The following GTPBP2 variants were observed in gnomAD, a reference collection of about 807,000 sequenced individuals.
GTPBP2 encodes the protein GTP-binding protein 2.
Under a neutral mutation model 63.0 loss-of-function variants are expected in GTPBP2, and 32 were observed. That is an observed-to-expected ratio of 0.51 (90% confidence interval 0.38 to 0.68). The LOEUF is 0.68. GTPBP2 is among the 30% of genes least tolerant of loss of function. The probability of loss-of-function intolerance (pLI) is 0.00; values close to 1 mark genes in which losing one functional copy is unlikely to be tolerated. For missense variants in GTPBP2, 492 were observed against 796.9 expected, an observed-to-expected ratio of 0.62 and a Z score of 4.61; for synonymous variants, 310 against 322.6, an observed-to-expected ratio of 0.96 and a Z score of 0.42.
chr6:43,624,483 C>G lies in GTPBP2; in HGVS notation c.1100+27G>C. On this transcript the variant is annotated intron_variant, in intron 7 of 11. Transcript: ENST00000307126. This position sits in a 1 kb window ranked among gnomAD's most constrained non-coding sequence, Gnocchi z 5.1. Reference sequence around the variant, plus strand: ...CTCTGTGGCAGCCTTCCTAGTGGATCAGGGCTTTAGAGTAAGGTGGGCTTA... The same window carrying G: ...CTCTGTGGCAGCCTTCCTAGTGGATGAGGGCTTTAGAGTAAGGTGGGCTTA... The G allele has an allele frequency of 6.5e-7, 1 of 1,546,024 alleles. No individual in the cohort carries two copies. Among genetic ancestry groups the G allele is most frequent in the Non-Finnish European group, 8.9e-7 (1 of 1,123,046 alleles).
At position 43,625,286 on chromosome 6, in the gene GTPBP2, C is replaced by A. The variant is rs1025434420; in HGVS notation, c.705+77G>T. 1 of 1,371,762 alleles carries A rather than the reference C, an allele frequency of 7.3e-7. No homozygotes were observed. Among genetic ancestry groups the A allele is most frequent in the Non-Finnish European group, 1.0e-6 (1 of 961,620 alleles). The allele number at this position is 1,371,762 out of a possible 1,614,324, so 85.0% of individuals were successfully genotyped here. Reference sequence around the variant, plus strand: ...TATTTCAAAAAGTCTCCACACTCTACCCCCATCCTATGTCCTTCACTACTA... The same window carrying A: ...TATTTCAAAAAGTCTCCACACTCTAACCCCATCCTATGTCCTTCACTACTA... On this transcript the variant is annotated intron_variant, in intron 5 of 11. Coordinates refer to ENST00000307126, the MANE Select transcript of GTPBP2 (RefSeq NM_019096.5). This position sits in a 1 kb window ranked among gnomAD's most constrained non-coding sequence, Gnocchi z 5.1.
rs2127840397 is a variant in GTPBP2 at position 43,624,642 on chromosome 6, T to G, written c.968A>C (p.Lys323Thr). 6.2e-7 allele frequency: 1 copy of G among 1,614,152 alleles called. No homozygotes were observed. Among genetic ancestry groups the G allele is most frequent in the East Asian group, 2.2e-5 (1 of 44,878 alleles). The change falls in exon 7 of 12, where the codon AAG (lysine) becomes ACG (threonine). Residue 323 changes from lysine to threonine, a missense_variant. Physicochemically the swap from Lys to Thr is moderately conservative, Grantham distance 78. Around this residue, in one of 2 missense-constraint regions of GTPBP2, gnomAD observed 400 missense variants for 710.8 expected, o/e 0.56. Transcript: ENST00000307126. The surrounding 1 kb of genome is among the most constrained non-coding windows in gnomAD (Gnocchi z 5.1). ...IVVSKIDLCAKTTVERTVRQL... is the reference protein window; with the variant it reads ...IVVSKIDLCATTTVERTVRQL... ...GCGTACTGTCCTCTCCACTGTGGTC[T>G]TGGCACATAGGTCGATCTTGCTGAC...
In GTPBP2 at chr6:43,625,236, G is replaced by T; in HGVS notation, c.705+127C>A. 1 of 1,020,980 alleles carries T rather than the reference G, an allele frequency of 9.8e-7. No individual in the cohort carries two copies. Among genetic ancestry groups the T allele is most frequent in the Non-Finnish European group, 1.5e-6 (1 of 669,446 alleles). The allele number at this position is 1,020,980 out of a possible 1,614,324, so 63.2% of individuals were successfully genotyped here. A position where few individuals can be genotyped will look rare whatever the true frequency, so the allele number is the denominator to read the frequency against. On this transcript the variant is annotated intron_variant, in intron 5 of 11. Coordinates refer to ENST00000307126, the MANE Select transcript of GTPBP2 (RefSeq NM_019096.5). This position sits in a 1 kb window ranked among gnomAD's most constrained non-coding sequence, Gnocchi z 5.1. Reference sequence around the variant, plus strand: ...CTAAGAGGGGCAGAGCTTGTTCACAGTCCCCTCAGGGCATTCATCTATACT... The same window carrying T: ...CTAAGAGGGGCAGAGCTTGTTCACATTCCCCTCAGGGCATTCATCTATACT...
At chr6:43,621,830 C>T in intron 11 of GTPBP2, 40 bp from the exon 12 acceptor site, 1 of 1,613,442 alleles carries the variant, frequency 6.2e-7, no homozygotes, top group Non-Finnish European at 8.5e-7. Flanking sequence ...CCAGTGCCTT[C>T]TGTCCCATTC....
chr6:43,622,177 A>AACAG lies in GTPBP2; in HGVS notation c.1468-14_1468-11dup. The AACAG allele has an allele frequency of 6.2e-7, 1 of 1,604,534 alleles. No homozygotes were observed. Among genetic ancestry groups the AACAG allele is most frequent in the Non-Finnish European group, 8.5e-7 (1 of 1,172,384 alleles). On this transcript the variant is annotated splice_polypyrimidine_tract_variant and intron_variant, in intron 10 of 11. Coordinates refer to ENST00000307126, the MANE Select transcript of GTPBP2 (RefSeq NM_019096.5). This position sits in a 1 kb window ranked among gnomAD's most constrained non-coding sequence, Gnocchi z 5.4. The stretch of plus-strand genomic sequence containing the variant: ...TCACCATCACCATGCCCTGGGGAGG[A>AACAG]ACAGACCCCAGGCCCAGGAAGGGCA...
chr6:43,623,117 G>A lies in GTPBP2; in HGVS notation c.1296-313C>T, dbSNP rs922857243. 13 of 300,296 alleles carry A rather than the reference G, an allele frequency of 4.3e-5. No homozygotes were observed. In the Admixed American group the frequency reaches 5.1e-4, roughly 12 times the overall value. The allele number at this position is 300,296 out of a possible 1,614,324, so 18.6% of individuals were successfully genotyped here. A position where few individuals can be genotyped will look rare whatever the true frequency, so the allele number is the denominator to read the frequency against. ...TGCTTTGCAGAGTCTTAGGCCAGCC[G>A]CGTTGGCTCACACCTGTAATCCTAG... On this transcript the variant is annotated intron_variant, in intron 9 of 11. Coordinates refer to ENST00000307126, the MANE Select transcript of GTPBP2 (RefSeq NM_019096.5).
rs756635042 is a variant in GTPBP2 at position 43,622,041 on chromosome 6, C to T, written c.1594G>A (p.Val532Ile). 1.2e-5 allele frequency: 19 copies of T among 1,614,192 alleles called. No individual in the cohort carries two copies. The Middle Eastern group carries it at 1.2e-3, about 98-fold the overall frequency. Residue 532 changes from valine to isoleucine, a missense_variant, in exon 11 of 12, where the codon GTA becomes ATA. Around this residue, in one of 2 missense-constraint regions of GTPBP2, gnomAD observed 400 missense variants for 710.8 expected, o/e 0.56. Transcript: ENST00000307126. This position sits in a 1 kb window ranked among gnomAD's most constrained non-coding sequence, Gnocchi z 5.4. ...GFQVTVHVGN[V>I]RQTAVVEKIH... ...TTTTCCACCACTGCCGTCTGACGTA[C>T]GTTGCCCACGTGTACTGTCACCTGG...
upstream of GTPBP2, chr6:43,629,345 GAT>G (rs898579945): frequency 1.8e-5 from 3 of 162,634 alleles, no homozygotes; most frequent in African/African-American, 7.2e-5. Flanking sequence ...GGCACCACGG[GAT>G]ATAGAGTCCC....
chr6:43,623,781 G>A lies in GTPBP2; in HGVS notation c.1251C>T (p.Tyr417=). 1 of 1,613,564 alleles carries A rather than the reference G, an allele frequency of 6.2e-7. No individual in the cohort carries two copies. Among genetic ancestry groups the A allele is most frequent in the Non-Finnish European group, 8.5e-7 (1 of 1,179,460 alleles). The change falls in exon 9 of 12, where the codon TAC becomes TAT. Residue 417 remains tyrosine, a synonymous_variant. Transcript: ENST00000307126. ...QLTEFQVDEI[Y]TVPEVGTVVG... ...CAACAGTCCCCACCTCTGGTACTGTGTAGATTTCATCCACCTGAAGCCAAA... is the reference window on the plus strand; with the variant it reads ...CAACAGTCCCCACCTCTGGTACTGTATAGATTTCATCCACCTGAAGCCAAA...
chr6:43,623,515 A>T, intron 9 of GTPBP2: 1 of 574,748 alleles, frequency 1.7e-6, no homozygotes, highest in Non-Finnish European at 3.1e-6. Context: ...CTTCTCTCTC[A>T]GGGGCCTGGA....
chr6:43,628,806 G>A (rs1769654277), intron 1 of GTPBP2, 171 bp downstream of exon 1: 1 of 836,956 alleles, frequency 1.2e-6, no homozygotes, highest in Non-Finnish European at 2.1e-6. Flanking sequence ...TCCAGTCTCT[G>A]CCCTTCCTCC....
upstream of GTPBP2, among the ~76,000 whole-genome samples, chr6:43,630,525 C>A (rs183106967): frequency 4.6e-5 from 7 of 152,202 alleles, no homozygotes; most frequent in East Asian, 1.4e-3. Context: ...TGCGGATCAC[C>A]TGAAGTCAGG....
At position 43,622,644 on chromosome 6, in the gene GTPBP2, G is replaced by A; in HGVS notation, c.1456C>T (p.Leu486=). The A allele has an allele frequency of 6.2e-7, 1 of 1,612,826 alleles. No homozygotes were observed. The highest frequency in any genetic ancestry group is 8.5e-7 in the Non-Finnish European group (1 of 1,178,968). The part of the protein sequence containing the change: ...TLALGDFDRA[L]LRKGMVMVSP... ...TGCACCCACCTCACCTTGCGAAGCA[G>A]TGCACGGTCAAAGTCCCCAAGCGCC... The change falls in exon 10 of 12, where the codon CTG becomes TTG. Residue 486 remains leucine (L), a synonymous_variant. Coordinates refer to ENST00000307126, the MANE Select transcript of GTPBP2 (RefSeq NM_019096.5). The surrounding 1 kb of genome is among the most constrained non-coding windows in gnomAD (Gnocchi z 5.4).
chr6:43,625,491 T>A lies in GTPBP2; in HGVS notation c.577A>T (p.Thr193Ser), dbSNP rs1481899049. 1 of 1,613,856 alleles carries A rather than the reference T, an allele frequency of 6.2e-7. No homozygotes were observed. The highest frequency in any genetic ancestry group is 1.7e-5 in the Admixed American group (1 of 60,012). The change falls in exon 5 of 12, where the codon ACC becomes TCC. Residue 193 changes from threonine to serine, a missense_variant. Around this residue, in one of 2 missense-constraint regions of GTPBP2, gnomAD observed 400 missense variants for 710.8 expected, o/e 0.56. Transcript: ENST00000307126. This position sits in a 1 kb window ranked among gnomAD's most constrained non-coding sequence, Gnocchi z 5.1. ...CGCCCATTGTCCAGCTCTCCCTGGGTCAGGACTCCAAGCAGAGTTGACTTC... is the reference window on the plus strand; with the variant it reads ...CGCCCATTGTCCAGCTCTCCCTGGGACAGGACTCCAAGCAGAGTTGACTTC... The part of the protein sequence containing the change: ...SGKSTLLGVL[T>S]QGELDNGRGR...
chr6:43,628,822 G>T, intron 1 of GTPBP2, 155 bp downstream of exon 1: 1 of 881,900 alleles, frequency 1.1e-6, no homozygotes, highest in Non-Finnish European at 2.0e-6. Context: ...CCTCCCTGGG[G>T]TCCCGGGACC....
Position 43,624,468 on chromosome 6 carries a change from G to T in GTPBP2, c.1100+42C>A. 7.0e-7 allele frequency: 1 copy of T among 1,429,980 alleles called. No individual in the cohort carries two copies. Among genetic ancestry groups the T allele is most frequent in the Non-Finnish European group, 9.8e-7 (1 of 1,020,002 alleles). 88.6% of individuals were successfully genotyped at this position (1,429,980 alleles called of 1,614,324 possible). ...CTTCTGGGCCCTGGGCTCTGTGGCA[G>T]CCTTCCTAGTGGATCAGGGCTTTAG... On this transcript the variant is annotated intron_variant, in intron 7 of 11. Transcript: ENST00000307126. This position sits in a 1 kb window ranked among gnomAD's most constrained non-coding sequence, Gnocchi z 5.1.
rs982180300 is a variant in GTPBP2 at position 43,623,501 on chromosome 6, C to T, written c.1295+236G>A. On this transcript the variant is annotated intron_variant, in intron 9 of 11. Transcript: ENST00000307126. ...AGTTTTCTTCCTGGAGCTCAAGACC[C>T]ACACTTCTCTCTCAGGGGCCTGGAG... is the stretch of plus-strand genomic sequence containing the variant. 7.1e-6 allele frequency: 4 copies of T among 566,670 alleles called. No individual in the cohort carries two copies. The African/African-American group carries it at 7.5e-5, about 11-fold the overall frequency. The allele number at this position is 566,670 out of a possible 1,614,324, so 35.1% of individuals were successfully genotyped here.
chr6:43,622,896 G>T lies in GTPBP2; in HGVS notation c.1296-92C>A. 9.7e-7 allele frequency: 1 copy of T among 1,031,992 alleles called. No homozygotes were observed. Among genetic ancestry groups the T allele is most frequent in the Non-Finnish European group, 1.4e-6 (1 of 709,052 alleles). 63.9% of individuals were successfully genotyped at this position (1,031,992 alleles called of 1,614,324 possible). A position where few individuals can be genotyped will look rare whatever the true frequency, so the allele number is the denominator to read the frequency against. ...CACCCAGAGCATTCCTTCCCTTCTA[G>T]GGTTGAGTCCCTCAAGTGGGGAAGA... On this transcript the variant is annotated intron_variant, in intron 9 of 11. Transcript: ENST00000307126. This position sits in a 1 kb window ranked among gnomAD's most constrained non-coding sequence, Gnocchi z 5.4.
chr6:43,624,434 G>T lies in GTPBP2; in HGVS notation c.1100+76C>A. The T allele has an allele frequency of 9.3e-7, 1 of 1,070,604 alleles. No individual in the cohort carries two copies. Among genetic ancestry groups the T allele is most frequent in the South Asian group, 1.3e-5 (1 of 78,126 alleles). The allele number at this position is 1,070,604 out of a possible 1,614,324, so 66.3% of individuals were successfully genotyped here. ...AACTGGTCTGGCCCTGGAGAAGTAGGATATCATGCTTCTGGGCCCTGGGCT... is the reference window on the plus strand; with the variant it reads ...AACTGGTCTGGCCCTGGAGAAGTAGTATATCATGCTTCTGGGCCCTGGGCT... On this transcript the variant is annotated intron_variant, in intron 7 of 11. Transcript: ENST00000307126. The surrounding 1 kb of genome is among the most constrained non-coding windows in gnomAD (Gnocchi z 5.1).
Sources: allele counts gnomAD v4.1 joint callset (sites outside exome capture counted in the v4.1 genomes callset), GRCh38; gene constraint gnomAD v4.1.1; regional missense constraint gnomAD v4.1.1; non-coding constraint Gnocchi (gnomAD v3.1); transcripts MANE v1.5; gene names NCBI Gene and HGNC (gene_info 2026-07-23, HGNC 2026-07-21).